The following LUZP2 variants were observed in gnomAD, a reference collection of about 807,000 sequenced individuals.
The protein encoded by LUZP2 is leucine zipper protein 2.
Under a neutral mutation model 51.6 loss-of-function variants are expected in LUZP2, and 52 were observed. The observed-to-expected ratio is 1.01, with a 90% CI of 0.81 to 1.27. The LOEUF (loss-of-function observed/expected upper bound fraction) is 1.27, where lower values mean the gene tolerates loss of function less well. Ranked by LOEUF, LUZP2 falls within the 50% of genes most tolerant of loss-of-function variation. The probability of loss-of-function intolerance (pLI) is 0.00; values close to 1 mark genes in which losing one functional copy is unlikely to be tolerated. For synonymous variants in LUZP2, 154 were observed against 137.3 expected (o/e 1.12, Z -0.85); for missense variants, 436 against 395.4 (o/e 1.10, Z -0.87).
intron 1 of LUZP2, among the ~76,000 whole-genome samples, chr11:24,602,297 C>CAAACATATAT (rs1853749947): frequency 1.5e-4 from 17 of 112,616 alleles, no homozygotes; most frequent in African/African-American, 5.6e-4. Flanking sequence ...TATATATGTA[C>CAAACATATAT]ATACATATAT....
intron 1 of LUZP2, among the ~76,000 whole-genome samples, chr11:24,533,812 C>T (rs1366099246): frequency 2.0e-5 from 3 of 150,226 alleles, no homozygotes; most frequent in African/African-American, 7.3e-5. Flanking sequence ...TATAAAAAAT[C>T]CAGCATAATA....
chr11:24,917,416 A>G (rs1853827247), intron 7 of LUZP2, among the ~76,000 whole-genome samples: 1 of 152,142 alleles, frequency 6.6e-6, no homozygotes, highest in East Asian at 1.9e-4. Context: ...GCCCATGCCT[A>G]TGTCCTGAAT....
At chr11:24,975,752 T>C (rs1007716411) in intron 7 of LUZP2, among the ~76,000 whole-genome samples, 3 of 152,034 alleles carry the variant, frequency 2.0e-5, no homozygotes, top group African/African-American at 7.2e-5. Flanking sequence ...AATATATGAA[T>C]TCCAAATCTG....
chr11:24,761,170 G>T (rs1859964510), intron 4 of LUZP2, among the ~76,000 whole-genome samples: 1 of 152,120 alleles, frequency 6.6e-6, no homozygotes, highest in Admixed American at 6.6e-5. Context: ...ATTGGCTCAG[G>T]TTCCACAGGC....
At chr11:24,842,270 A>G (rs1851058563) in intron 5 of LUZP2, among the ~76,000 whole-genome samples, 1 of 149,070 alleles carries the variant, frequency 6.7e-6, no homozygotes, top group Non-Finnish European at 1.5e-5. Context: ...ATGTTATATA[A>G]TACATAATAT....
At chr11:24,851,617 G>A (rs1851397215) in intron 5 of LUZP2, among the ~76,000 whole-genome samples, 2 of 152,096 alleles carry the variant, frequency 1.3e-5, no homozygotes, top group Non-Finnish European at 2.9e-5. Context: ...GTACCAGGAT[G>A]ATGCTGGCCT....
rs558937047 is a variant in LUZP2, at chr11:24,998,416, CTGTT to C, written c.765+15127_765+15130del. On this transcript the variant is annotated intron_variant, in intron 9 of 11. Coordinates refer to ENST00000336930, the MANE Select transcript of LUZP2 (RefSeq NM_001009909.4). ...GGGAGTTCACTCATGATTTGGCTCT[CTGTT>C]TGTCTGTTATTGGTGTATAAGAATG... Among the ~76,000 whole-genome samples, 533 of 152,146 alleles carry C rather than the reference CTGTT, an allele frequency of 3.5e-3. 1 individual carries two copies. Among genetic ancestry groups the C allele is most frequent in the Non-Finnish European group, 5.6e-3 (382 of 68,006 alleles).
intron 1 of LUZP2, among the ~76,000 whole-genome samples, chr11:24,562,834 C>A (rs1852092374): frequency 6.7e-6 from 1 of 148,570 alleles, no homozygotes; most frequent in Admixed American, 6.8e-5. Flanking sequence ...TGCACTCCAG[C>A]CTGGGTGACA....
At chr11:25,019,307 C>T (rs539629258) in intron 9 of LUZP2, among the ~76,000 whole-genome samples, 144 of 152,246 alleles carry the variant, frequency 9.5e-4, no homozygotes, top group African/African-American at 3.4e-3. Flanking sequence ...GATTTATCTT[C>T]ATTTTACATG....
chr11:24,995,876 G>A (rs1409276335), intron 9 of LUZP2, among the ~76,000 whole-genome samples: 2 of 151,742 alleles, frequency 1.3e-5, no homozygotes, highest in Non-Finnish European at 2.9e-5. Flanking sequence ...TCTGATAAGG[G>A]AGAAAAAAGT....
intron 1 of LUZP2, among the ~76,000 whole-genome samples, chr11:24,533,723 T>C (rs1284046801): frequency 6.6e-6 from 1 of 151,460 alleles, no homozygotes; most frequent in Admixed American, 6.6e-5. Context: ...TTTGCTTTTG[T>C]ACGAGTTCTT....
intron 5 of LUZP2, among the ~76,000 whole-genome samples, chr11:24,774,336 C>CTCTCTCTCTCTCTT (rs1848841317): frequency 2.8e-5 from 2 of 70,944 alleles, no homozygotes; most frequent in East Asian, 5.0e-4. Flanking sequence ...GTAAACTTCT[C>CTCTCTCTCTCTCTT]TCTCTCTCTC....
chr11:24,833,436 C>G lies in LUZP2; in HGVS notation c.396+70128C>G, dbSNP rs1850756931. On this transcript the variant is annotated intron_variant, in intron 5 of 11. Transcript: ENST00000336930. ...TTGGAAAAATATTCGTGCATTTTCT[C>G]TCTTGGGGCTTTGCAACATTGTAAG... Among the ~76,000 whole-genome samples, 4 of 152,096 alleles carry G rather than the reference C, an allele frequency of 2.6e-5. No individual in the cohort carries two copies. The South Asian group carries it at 6.2e-4, about 24-fold the overall frequency.
chr11:25,057,306 T>C (rs1858717885), intron 10 of LUZP2, among the ~76,000 whole-genome samples: 1 of 152,118 alleles, frequency 6.6e-6, no homozygotes, highest in Non-Finnish European at 1.5e-5. Flanking sequence ...ACTTCCTGCC[T>C]ATGGTATGCC....
chr11:24,725,566 T>C (rs752911528), intron 1 of LUZP2, among the ~76,000 whole-genome samples: 2 of 151,914 alleles, frequency 1.3e-5, no homozygotes, highest in Non-Finnish European at 2.9e-5. Flanking sequence ...AGAAAAAGGA[T>C]TAATCTAAAT....
At chr11:24,902,142 C>G (rs1037942977) in intron 5 of LUZP2, among the ~76,000 whole-genome samples, 1 of 152,022 alleles carries the variant, frequency 6.6e-6, no homozygotes, top group Admixed American at 6.6e-5. Flanking sequence ...ATCAAAACAT[C>G]TAATAATAGT....
chr11:24,646,039 GT>G (rs563954321), intron 1 of LUZP2, among the ~76,000 whole-genome samples: 215 of 152,020 alleles, frequency 1.4e-3, no homozygotes, highest in Non-Finnish European at 2.8e-3. Context: ...GAGTTGTGTG[GT>G]CTTAGGTTGG....
chr11:24,806,326 A>G lies in LUZP2; in HGVS notation c.396+43018A>G, dbSNP rs1476033457. 2.6e-5 allele frequency among the ~76,000 whole-genome samples: 4 copies of G among 152,194 alleles called. No individual in the cohort carries two copies. In the South Asian group the frequency reaches 6.2e-4, roughly 24 times the overall value. On this transcript the variant is annotated intron_variant, in intron 5 of 11. Coordinates refer to ENST00000336930, the MANE Select transcript of LUZP2 (RefSeq NM_001009909.4). ...ATGGTAGCTTGAAATTGGGCATTGT[A>G]GTAATATTTACATCACGGAATTTGG... is the stretch of plus-strand genomic sequence containing the variant.
At chr11:24,566,070 A>T (rs1420027892) in intron 1 of LUZP2, among the ~76,000 whole-genome samples, 2 of 151,872 alleles carry the variant, frequency 1.3e-5, no homozygotes, top group Non-Finnish European at 2.9e-5. Flanking sequence ...ATTACAAGGC[A>T]TGTACATATA....
Sources: gnomAD v4.1 joint callset for allele counts (sites outside exome capture counted in the v4.1 genomes callset) on GRCh38, gnomAD v4.1.1 for gene constraint, MANE v1.5 for transcripts, NCBI Gene and HGNC (gene_info 2026-07-23, HGNC 2026-07-21) for gene names.